Variants in TCERG1 observed in about 807,000 individuals in gnomAD.
TCERG1 encodes the protein TATA box binding protein (TBP)-associated factor, RNA polymerase II, S, 150kD.
Under a neutral mutation model 144.7 loss-of-function variants are expected in TCERG1, and 37 were observed. That is an observed-to-expected ratio of 0.26 (90% CI 0.20 to 0.34). TCERG1 has a LOEUF of 0.34. Ranked by LOEUF, TCERG1 falls within the 10% of genes least tolerant of loss-of-function variation. The probability of loss-of-function intolerance (pLI) is 1.00; values close to 1 mark genes in which losing one functional copy is unlikely to be tolerated. For missense variants in TCERG1, 1,027 were observed against 1,380.7 expected (o/e 0.74, Z 4.06); for synonymous variants, 492 against 458.2 (o/e 1.07, Z -0.94).
In TCERG1 at chr5:146,507,102, C is replaced by G. The variant is rs755582139; in HGVS notation, c.2856C>G (p.Ser952=). ...LRKDHRWESG[S]LLEREEKEKL... is the part of the protein sequence containing the mutation. ...AAGATCACCGCTGGGAATCTGGATC[C>G]TTATTGGAAAGAGAGGAGAAAGAGA... is the stretch of plus-strand genomic sequence containing the variant. Residue 952 remains serine, a synonymous_variant, in exon 20 of 23, where the codon TCC becomes TCG. Transcript: ENST00000679501. The surrounding 1 kb of genome is among the most constrained non-coding windows in gnomAD (Gnocchi z 4.6). 2 of 1,613,448 alleles carry G rather than the reference C, an allele frequency of 1.2e-6. No homozygotes were observed. Among genetic ancestry groups the G allele is most frequent in the Non-Finnish European group, 1.7e-6 (2 of 1,179,760 alleles).
At chr5:146,448,868 GA>G (rs1202183931) in intron 1 of TCERG1, among the ~76,000 whole-genome samples, 5 of 152,192 alleles carry the variant, frequency 3.3e-5, no homozygotes, top group Non-Finnish European at 5.9e-5. Flanking sequence ...GCTAGTTTCA[GA>G]TGGATTTATT....
At chr5:146,485,774 G>C (rs974937262) in intron 15 of TCERG1, among the ~76,000 whole-genome samples, 6 of 152,066 alleles carry the variant, frequency 3.9e-5, no homozygotes, top group African/African-American at 1.4e-4. Flanking sequence ...TCTTACTGCA[G>C]CCTCTGCCTC....
At chr5:146,457,778 A>G (rs545626136) in intron 3 of TCERG1, among the ~76,000 whole-genome samples, 1 of 152,342 alleles carries the variant, frequency 6.6e-6, no homozygotes, top group African/African-American at 2.4e-5. Flanking sequence ...TCTGCATAAA[A>G]CATAACATGG....
At chr5:146,504,427 A>C (rs1767760643) in intron 19 of TCERG1, 1 of 153,234 alleles carries the variant, frequency 6.5e-6, no homozygotes, top group Admixed American at 6.5e-5. Flanking sequence ...TGGAGGTGTA[A>C]CTGACTGCAG....
At chr5:146,491,348 G>A (rs796858187) in intron 15 of TCERG1, among the ~76,000 whole-genome samples, 14 of 152,092 alleles carry the variant, frequency 9.2e-5, no homozygotes, top group African/African-American at 3.4e-4. Flanking sequence ...CAGAGTGGTG[G>A]TTCTCAACCA....
chr5:146,472,168 G>A (rs1389138125), intron 9 of TCERG1, among the ~76,000 whole-genome samples: 2 of 152,072 alleles, frequency 1.3e-5, no homozygotes, highest in Non-Finnish European at 2.9e-5. Flanking sequence ...ATTTGTTTTT[G>A]CATGTTTACT....
intron 15 of TCERG1, among the ~76,000 whole-genome samples, chr5:146,490,650 C>G (rs1239510511): frequency 2.0e-5 from 3 of 152,154 alleles, no homozygotes; most frequent in Admixed American, 2.0e-4. Flanking sequence ...GTCTATTGTG[C>G]TCAGTACTTG....
At chr5:146,468,484 T>TTA in intron 6 of TCERG1, 81 bp downstream of exon 6, 1 of 1,398,826 alleles carries the variant, frequency 7.1e-7, no homozygotes, top group Non-Finnish European at 9.9e-7. Flanking sequence ...TTTTATTTAT[T>TTA]TTTTGCCCAA....
At chr5:146,452,340 G>C (rs1465441441) in intron 1 of TCERG1, among the ~76,000 whole-genome samples, 1 of 152,138 alleles carries the variant, frequency 6.6e-6, no homozygotes, top group East Asian at 1.9e-4. Flanking sequence ...TAGCTACTGG[G>C]AATACCATGA....
At chr5:146,464,355 A>G (rs1264835602) in intron 5 of TCERG1, among the ~76,000 whole-genome samples, 1 of 152,240 alleles carries the variant, frequency 6.6e-6, no homozygotes, top group Non-Finnish European at 1.5e-5. Flanking sequence ...TAATACTGGG[A>G]AGAAAATGTG....
At position 146,507,753 on chromosome 5, in the gene TCERG1, C is replaced by T. The variant is rs1015836163; in HGVS notation, c.2962-120C>T. On this transcript the variant is annotated intron_variant, in intron 20 of 22. Coordinates refer to ENST00000679501, the MANE Select transcript of TCERG1 (RefSeq NM_001382548.1). The surrounding 1 kb of genome is among the most constrained non-coding windows in gnomAD (Gnocchi z 4.6). The stretch of plus-strand genomic sequence containing the variant: ...TCCCTGTCCCTAACTAGTCCAGTTA[C>T]GCTTGGGCATTACAAGAGATCGCAG... 11 of 601,816 alleles carry T rather than the reference C, an allele frequency of 1.8e-5. No individual in the cohort carries two copies. The highest frequency in any genetic ancestry group is 6.7e-5 in the Admixed American group (2 of 29,772). 37.3% of individuals were successfully genotyped at this position (601,816 alleles called of 1,614,324 possible). A position where few individuals can be genotyped will look rare whatever the true frequency, so the allele number is the denominator to read the frequency against.
Position 146,459,090 on chromosome 5 carries a change from C to G in TCERG1, c.645C>G (p.Ala215=), listed in dbSNP as rs112548582. ...CTCAGGCTCAGGCCCAGGCCCAGGC[C>G]CAGGCCCAGGCCCAGGCCCAAGCCC... ...AQAQAQAQAQ[A]QAQAQAQAQA... Residue 215 remains alanine (A), a synonymous_variant, in exon 4 of 23, where the codon GCC becomes GCG. Coordinates refer to ENST00000679501, the MANE Select transcript of TCERG1 (RefSeq NM_001382548.1). The G allele has an allele frequency of 6.6e-7, 1 of 1,526,536 alleles. No homozygotes were observed. Among genetic ancestry groups the G allele is most frequent in the Non-Finnish European group, 9.0e-7 (1 of 1,110,806 alleles). The allele number at this position is 1,526,536 out of a possible 1,614,324, so 94.6% of individuals were successfully genotyped here.
chr5:146,475,473 T>C (rs1764750276), intron 9 of TCERG1, among the ~76,000 whole-genome samples: 2 of 152,190 alleles, frequency 1.3e-5, no homozygotes, highest in South Asian at 4.1e-4. Flanking sequence ...CTAGGGATGC[T>C]CTAAACATCC....
chr5:146,494,813 C>CT (rs1388954259), intron 16 of TCERG1, among the ~76,000 whole-genome samples: 2 of 151,936 alleles, frequency 1.3e-5, no homozygotes, highest in Non-Finnish European at 2.9e-5. Context: ...TGTCGTTTTT[C>CT]TTTTTAATGA....
Position 146,482,628 on chromosome 5 carries a change from A to G in TCERG1, c.1974A>G (p.Glu658=). ...ATAAAGACATTGACTCAGAGAAAGA[A>G]GCTGCCATGGAAGCTGAAATTAAAG... ...DDNKDIDSEK[E]AAMEAEIKAA... Residue 658 remains glutamate, a synonymous_variant, in exon 14 of 23, where the codon GAA becomes GAG. Coordinates refer to ENST00000679501, the MANE Select transcript of TCERG1 (RefSeq NM_001382548.1). The G allele has an allele frequency of 1.2e-6, 2 of 1,613,226 alleles. No homozygotes were observed. Among genetic ancestry groups the G allele is most frequent in the Non-Finnish European group, 8.5e-7 (1 of 1,179,478 alleles).
chr5:146,482,461 A>G (rs377343746), intron 13 of TCERG1, 131 bp from the exon 14 acceptor site: 7 of 730,598 alleles, frequency 9.6e-6, no homozygotes, highest in Admixed American at 3.3e-5. Context: ...GAAACCCTCA[A>G]TATAATTTGT....
intron 16 of TCERG1, 107 bp from the exon 17 acceptor site, chr5:146,498,429 A>T: frequency 8.4e-7 from 1 of 1,187,746 alleles, no homozygotes; most frequent in Non-Finnish European, 1.2e-6. Context: ...GTTGAGTCCC[A>T]GTGTCTCTTT....
chr5:146,474,488 A>G (rs762380800), intron 9 of TCERG1, among the ~76,000 whole-genome samples: 1 of 152,226 alleles, frequency 6.6e-6, no homozygotes, highest in South Asian at 2.1e-4. Context: ...CTTGGTGGAT[A>G]AAGCAGCAGC....
chr5:146,477,050 G>A (rs930623320), intron 9 of TCERG1, among the ~76,000 whole-genome samples: 7 of 152,192 alleles, frequency 4.6e-5, no homozygotes, highest in African/African-American at 1.2e-4. Context: ...AAGTACGGGC[G>A]TGAGCCACCA....
Sources: allele counts gnomAD v4.1 joint callset (sites outside exome capture counted in the v4.1 genomes callset), GRCh38; gene constraint gnomAD v4.1.1; non-coding constraint Gnocchi (gnomAD v3.1); transcripts MANE v1.5; gene names NCBI Gene and HGNC (gene_info 2026-07-23, HGNC 2026-07-21).